The following SLC4A4 variants were observed in gnomAD, a reference collection of about 807,000 sequenced individuals.
SLC4A4 encodes solute carrier family 4 member 4, also known as electrogenic sodium bicarbonate cotransporter 1.
SLC4A4 carries 27 observed loss-of-function variants against 111.5 expected under a neutral mutation model. That is an observed-to-expected ratio of 0.24 (90% CI 0.18 to 0.33). SLC4A4 has a LOEUF of 0.33. Among genes scored for constraint, SLC4A4 ranks in the 10% least tolerant of loss-of-function variants. The pLI is 1.00. For synonymous variants in SLC4A4, 443 were observed against 463.4 expected (o/e 0.96, Z 0.57); for missense variants, 909 against 1,315.5 (o/e 0.69, Z 4.78).
At chr4:71,516,362 G>T (rs909901517) in intron 16 of SLC4A4, among the ~76,000 whole-genome samples, 9 of 152,084 alleles carry the variant, frequency 5.9e-5, no homozygotes, top group African/African-American at 2.2e-4. Context: ...CTCCCAAAGT[G>T]CTGGGATTAC....
chr4:71,333,932 G>A (rs913956334), intron 3 of SLC4A4, among the ~76,000 whole-genome samples: 1 of 149,968 alleles, frequency 6.7e-6, no homozygotes. Flanking sequence ...TCTGGCCCAG[G>A]GCAGGTCCAG....
At chr4:71,387,218 C>T (rs1718823762) in intron 6 of SLC4A4, among the ~76,000 whole-genome samples, 1 of 152,148 alleles carries the variant, frequency 6.6e-6, no homozygotes, top group South Asian at 2.1e-4. Context: ...CCATGTCCCT[C>T]TGCATGGAGT....
chr4:71,133,745 C>T (rs1225817428), intron 2 of SLC4A4, among the ~76,000 whole-genome samples: 1 of 152,210 alleles, frequency 6.6e-6, no homozygotes, highest in Non-Finnish European at 1.5e-5. Context: ...ATGTAATCAT[C>T]TCCCAGTTTG....
At chr4:71,072,667 G>C (rs1257407845) in intron 1 of SLC4A4, among the ~76,000 whole-genome samples, 4 of 152,066 alleles carry the variant, frequency 2.6e-5, no homozygotes, top group East Asian at 3.8e-4. Context: ...GCTTTAAAGA[G>C]AGAATTGCTG....
At position 71,247,184 on chromosome 4, in the gene SLC4A4, C is replaced by T. The variant is rs1720733298; in HGVS notation, c.74-8036C>T. Among the ~76,000 whole-genome samples the T allele has an allele frequency of 2.7e-5, 4 of 148,022 alleles. No homozygotes were observed. In the Admixed American group the frequency reaches 2.7e-4, roughly 10 times the overall value. On this transcript the variant is annotated intron_variant, in intron 2 of 25. Transcript: ENST00000264485. ...GAACTTTAATATTTATATTTTATAA[C>T]AAATATAAATTAATATTTAATATAT...
intron 2 of SLC4A4, among the ~76,000 whole-genome samples, chr4:71,141,498 C>T (rs1029906447): frequency 6.6e-6 from 1 of 152,150 alleles, no homozygotes; most frequent in Non-Finnish European, 1.5e-5. Context: ...ATGTTCTTCT[C>T]TTGGGCATGC....
At chr4:71,364,734 A>G (rs954474014) in intron 6 of SLC4A4, among the ~76,000 whole-genome samples, 3 of 152,228 alleles carry the variant, frequency 2.0e-5, no homozygotes, top group African/African-American at 7.2e-5. Flanking sequence ...TGGGGGGGAT[A>G]CAAACATTCA....
At chr4:71,133,276 C>A (rs1743757365) in intron 2 of SLC4A4, among the ~76,000 whole-genome samples, 1 of 152,152 alleles carries the variant, frequency 6.6e-6, no homozygotes, top group African/African-American at 2.4e-5. Flanking sequence ...TGAGGCTAAG[C>A]TTTACCGTAT....
At chr4:71,133,423 G>C (rs1388693632) in intron 2 of SLC4A4, among the ~76,000 whole-genome samples, 2 of 152,182 alleles carry the variant, frequency 1.3e-5, no homozygotes, top group African/African-American at 4.8e-5. Context: ...AAGATGGCTG[G>C]CTCACATAGT....
chr4:71,112,326 G>A (rs6831852), intron 2 of SLC4A4, among the ~76,000 whole-genome samples: 29,110 of 152,094 alleles, frequency 0.19, 3,718 homozygotes, highest in African/African-American at 0.35. Flanking sequence ...CTTCCCTTGT[G>A]TCTAAAGTTC....
intron 1 of SLC4A4, among the ~76,000 whole-genome samples, chr4:71,091,475 G>A (rs1339824050): frequency 1.3e-5 from 2 of 151,088 alleles, no homozygotes; most frequent in Admixed American, 6.6e-5. Context: ...TGGTGGTCTC[G>A]ATCTCCTGAC....
intron 1 of SLC4A4, among the ~76,000 whole-genome samples, chr4:71,070,557 C>CA (rs1741636959): frequency 6.6e-6 from 1 of 152,126 alleles, no homozygotes; most frequent in Non-Finnish European, 1.5e-5. Context: ...AGAACTAGAA[C>CA]ATTTAAATAG....
At chr4:71,376,075 G>A (rs955016327) in intron 6 of SLC4A4, among the ~76,000 whole-genome samples, 7 of 120,164 alleles carry the variant, frequency 5.8e-5, no homozygotes, top group African/African-American at 1.0e-4. Context: ...ACATATACAC[G>A]TATATATATA....
intron 3 of SLC4A4, among the ~76,000 whole-genome samples, chr4:71,335,847 C>T (rs1380223239): frequency 6.6e-6 from 1 of 151,836 alleles, no homozygotes; most frequent in East Asian, 1.9e-4. Context: ...AATTTCTAAT[C>T]ACAAAGTAAA....
chr4:71,101,018 G>A (rs1026170726), intron 2 of SLC4A4, among the ~76,000 whole-genome samples: 3 of 152,200 alleles, frequency 2.0e-5, no homozygotes, highest in Admixed American at 6.5e-5. Context: ...CCAGCACTTT[G>A]GGAGGCTGAG....
chr4:71,261,924 G>T (rs1721886030), intron 3 of SLC4A4, among the ~76,000 whole-genome samples: 1 of 152,170 alleles, frequency 6.6e-6, no homozygotes, highest in South Asian at 2.1e-4. Context: ...GCTAAAAAGA[G>T]ATTGTGACTT....
At chr4:71,525,790 T>C (rs1733364374) in intron 16 of SLC4A4, among the ~76,000 whole-genome samples, 1 of 152,142 alleles carries the variant, frequency 6.6e-6, no homozygotes, top group Non-Finnish European at 1.5e-5. Flanking sequence ...TATGACTTTC[T>C]AATTTGATAT....
intron 2 of SLC4A4, among the ~76,000 whole-genome samples, chr4:71,111,943 C>T (rs188045660): frequency 1.3e-5 from 2 of 152,266 alleles, no homozygotes; most frequent in Admixed American, 6.5e-5. Context: ...GTGATCCACC[C>T]GCCTCGGCCT....
chr4:71,341,524 C>T lies in SLC4A4; in HGVS notation c.389+2019C>T, dbSNP rs180801966. 3.4e-3 allele frequency among the ~76,000 whole-genome samples: 521 copies of T among 152,142 alleles called. 3 individuals are homozygous for T. The highest frequency in any genetic ancestry group is 0.012 in the African/African-American group (500 of 41,544). ...GGAGCAATAAGCCAATAGCCTTTCC[C>T]TTTATGGATGAAGAGTCTTTTAAGA... On this transcript the variant is annotated intron_variant, in intron 4 of 25. Coordinates refer to ENST00000264485, the MANE Select transcript of SLC4A4 (RefSeq NM_001098484.3).
Sources: allele counts gnomAD v4.1 joint callset (sites outside exome capture counted in the v4.1 genomes callset), GRCh38; gene constraint gnomAD v4.1.1; transcripts MANE v1.5; gene names NCBI Gene and HGNC (gene_info 2026-07-23, HGNC 2026-07-21).